PARN: variants seen among roughly 807,000 people sequenced by gnomAD.
PARN encodes the protein poly(A)-specific ribonuclease PARN.
Under a neutral mutation model 102.8 loss-of-function variants are expected in PARN, and 71 were observed. The ratio of observed to expected loss-of-function variants is 0.69; its 90% confidence interval spans 0.57 to 0.84. The LOEUF (loss-of-function observed/expected upper bound fraction) is 0.84. Among genes scored for constraint, PARN ranks in the 40% least tolerant of loss-of-function variants. The pLI is 0.00. For synonymous variants in PARN, 261 were observed against 252.9 expected (o/e 1.03, Z -0.30); for missense variants, 782 against 760.9 (o/e 1.03, Z -0.33).
chr16:14,563,389 A>G (rs1968197991), intron 18 of PARN, among the ~76,000 whole-genome samples: 1 of 151,876 alleles, frequency 6.6e-6, no homozygotes, highest in East Asian at 1.9e-4. Context: ...GAAGGTTGTG[A>G]GTGTACCATG....
intron 21 of PARN, among the ~76,000 whole-genome samples, chr16:14,545,345 T>C (rs1010656742): frequency 6.6e-6 from 1 of 152,186 alleles, no homozygotes; most frequent in Non-Finnish European, 1.5e-5. Flanking sequence ...AAATCTTTAG[T>C]CACAACAGAA....
intron 2 of PARN, among the ~76,000 whole-genome samples, 165 bp from the exon 3 acceptor site, chr16:14,628,416 G>A (rs1258169230): frequency 1.3e-5 from 2 of 152,134 alleles, no homozygotes; most frequent in African/African-American, 2.4e-5. Context: ...GTGGCCACCA[G>A]GTTAAACCCT....
chr16:14,485,656 C>CT (rs559156481), intron 21 of PARN, among the ~76,000 whole-genome samples: 1,729 of 144,476 alleles, frequency 0.012, 28 homozygotes, highest in Admixed American at 0.05. Context: ...TATTTCAATT[C>CT]TTTTTTTTTT....
Position 14,549,097 on chromosome 16 carries a change from G to A in PARN, c.1480+2924C>T, listed in dbSNP as rs556490865. 1.8e-4 allele frequency among the ~76,000 whole-genome samples: 28 copies of A among 152,310 alleles called. No individual in the cohort carries two copies. In the East Asian group the frequency reaches 5.4e-3, roughly 29 times the overall value. ...TAGTCAGGTTCTGGTGGGAGGTGAT[G>A]ACTGCATAAAAGATGGCTTCTTCTG... On this transcript the variant is annotated intron_variant, in intron 21 of 23. Coordinates refer to ENST00000437198, the MANE Select transcript of PARN (RefSeq NM_002582.4).
intron 21 of PARN, among the ~76,000 whole-genome samples, chr16:14,496,182 G>A (rs1056179307): frequency 2.0e-5 from 3 of 152,234 alleles, no homozygotes; most frequent in African/African-American, 7.2e-5. Flanking sequence ...CAGCAGGGCT[G>A]GGGTGTGAAG....
chr16:14,580,750 C>T (rs182379648), intron 18 of PARN, 124 bp downstream of exon 18: 147 of 563,248 alleles, frequency 2.6e-4, no homozygotes, highest in Non-Finnish European at 3.8e-4. Flanking sequence ...GTGAGTCACT[C>T]GAGATGAAAA....
At chr16:14,445,623 G>A (rs146137485) in intron 23 of PARN, among the ~76,000 whole-genome samples, 96 of 152,322 alleles carry the variant, frequency 6.3e-4, no homozygotes, top group East Asian at 2.5e-3. Flanking sequence ...GTGCAGTGGC[G>A]CAATCTTGGC....
intron 18 of PARN, among the ~76,000 whole-genome samples, chr16:14,570,869 T>A (rs1327057776): frequency 6.8e-6 from 1 of 147,328 alleles, no homozygotes; most frequent in Admixed American, 6.8e-5. Context: ...GCGCCTTTGG[T>A]AGCTACTTGG....
intron 22 of PARN, among the ~76,000 whole-genome samples, chr16:14,463,023 T>A (rs1962083886): frequency 6.6e-6 from 1 of 152,158 alleles, no homozygotes; most frequent in African/African-American, 2.4e-5. Context: ...GATCAGCACA[T>A]AATGGGTGAG....
chr16:14,610,057 T>A (rs539186480), intron 7 of PARN, among the ~76,000 whole-genome samples: 5 of 150,782 alleles, frequency 3.3e-5, no homozygotes, highest in African/African-American at 1.2e-4. Context: ...TTAAAAAAAA[T>A]AAAATAAAAT....
At chr16:14,506,689 T>A (rs1964910746) in intron 21 of PARN, among the ~76,000 whole-genome samples, 1 of 152,176 alleles carries the variant, frequency 6.6e-6, no homozygotes, top group Non-Finnish European at 1.5e-5. Flanking sequence ...AGGTTTGAAA[T>A]TTTTCAGAAT....
chr16:14,480,063 T>C (rs1963296229), intron 22 of PARN, among the ~76,000 whole-genome samples: 1 of 152,192 alleles, frequency 6.6e-6, no homozygotes, highest in Non-Finnish European at 1.5e-5. Context: ...CTGGGTCTGG[T>C]GGCTCACATC....
At chr16:14,553,813 G>A (rs546253638) in intron 20 of PARN, among the ~76,000 whole-genome samples, 1 of 152,292 alleles carries the variant, frequency 6.6e-6, no homozygotes, top group Admixed American at 6.5e-5. Context: ...TCAGTAGTAA[G>A]GACAGTCCTC....
rs960872894 is a variant in PARN at position 14,595,958 on chromosome 16, C to G, written c.841-2580G>C. On this transcript the variant is annotated intron_variant, in intron 12 of 23. Coordinates refer to ENST00000437198, the MANE Select transcript of PARN (RefSeq NM_002582.4). ...GGATTACAGGGTTGAGCCACCATGC[C>G]CAGCTACATACACATTTATATAGAT... Among the ~76,000 whole-genome samples, 74 of 151,958 alleles carry G rather than the reference C, an allele frequency of 4.9e-4. No homozygotes were observed. The Middle Eastern group carries it at 9.5e-3, about 19-fold the overall frequency.
intron 21 of PARN, among the ~76,000 whole-genome samples, chr16:14,537,347 A>T (rs1966653881): frequency 6.6e-6 from 1 of 152,186 alleles, no homozygotes; most frequent in African/African-American, 2.4e-5. Context: ...GGTGGGATGG[A>T]AAATTAGGAT....
intron 18 of PARN, among the ~76,000 whole-genome samples, chr16:14,562,712 G>A (rs930492125): frequency 1.3e-5 from 2 of 150,614 alleles, no homozygotes; most frequent in Non-Finnish European, 3.0e-5. Flanking sequence ...AGTCTAACCT[G>A]TTTCTGTGAA....
At chr16:14,518,378 G>A (rs544887594) in intron 21 of PARN, among the ~76,000 whole-genome samples, 5 of 148,816 alleles carry the variant, frequency 3.4e-5, no homozygotes, top group African/African-American at 1.2e-4. Context: ...ACAGAGCCAA[G>A]GCCAAACATA....
At chr16:14,568,652 G>A (rs1410014755) in intron 18 of PARN, among the ~76,000 whole-genome samples, 2 of 151,988 alleles carry the variant, frequency 1.3e-5, no homozygotes, top group South Asian at 2.1e-4. Flanking sequence ...GCCCACGTCT[G>A]TAATCCCAGC....
chr16:14,628,192 T>C lies in PARN; in HGVS notation c.157A>G (p.Arg53Gly). The C allele has an allele frequency of 6.3e-7, 1 of 1,599,174 alleles. No homozygotes were observed. The highest frequency in any genetic ancestry group is 8.6e-7 in the Non-Finnish European group (1 of 1,167,104). The change falls in exon 3 of 24, where the codon AGG becomes GGG. Residue 53 changes from arginine to glycine, a missense_variant. Arg to Gly is a moderately radical substitution (Grantham distance 125, BLOSUM62 -2). Coordinates refer to ENST00000437198, the MANE Select transcript of PARN (RefSeq NM_002582.4). ...CTTGCCTTTTTAAGCTTCTGATACC[T>C]CTCTTCTGGAGTGTCAAAACCATTT... ...LTNGFDTPEE[R>G]YQKLKKHSMD...
Sources: allele counts gnomAD v4.1 joint callset (sites outside exome capture counted in the v4.1 genomes callset), GRCh38; gene constraint gnomAD v4.1.1; transcripts MANE v1.5; gene names NCBI Gene and HGNC (gene_info 2026-07-23, HGNC 2026-07-21).